Variants in HDAC9 observed in about 807,000 individuals in gnomAD.
The protein encoded by HDAC9 is MEF-2 interacting transcription repressor (MITR) protein.
In HDAC9, 41 loss-of-function variants were observed where a neutral mutation model predicts 139.4. That is an observed-to-expected ratio of 0.29 (90% CI 0.23 to 0.38). The LOEUF (loss-of-function observed/expected upper bound fraction) is 0.38. Ranked by LOEUF, HDAC9 falls within the 10% of genes least tolerant of loss-of-function variation. HDAC9 has a pLI of 1.00. For synonymous variants in HDAC9, 517 were observed against 476.2 expected, an observed-to-expected ratio of 1.09 and a Z score of -1.12; for missense variants, 1,147 against 1,297.0, an observed-to-expected ratio of 0.88 and a Z score of 1.78.
At chr7:18,605,637 A>G (rs562661692) in intron 6 of HDAC9, among the ~76,000 whole-genome samples, 3 of 152,092 alleles carry the variant, frequency 2.0e-5, no homozygotes, top group Non-Finnish European at 2.9e-5. Flanking sequence ...AGTAAAACCC[A>G]TGAAAATGTA....
intron 2 of HDAC9, among the ~76,000 whole-genome samples, chr7:18,528,160 TA>T (rs1586697720): frequency 6.6e-6 from 1 of 151,224 alleles, no homozygotes; most frequent in Admixed American, 6.6e-5. Flanking sequence ...AAAATAAAAG[TA>T]AAAAAGTAAG....
intron 1 of HDAC9, among the ~76,000 whole-genome samples, chr7:18,154,241 A>G (rs1317968168): frequency 1.3e-5 from 2 of 152,176 alleles, no homozygotes; most frequent in African/African-American, 2.4e-5. Flanking sequence ...TAAAGTAAAC[A>G]TGGTATATTC....
intron 12 of HDAC9, among the ~76,000 whole-genome samples, chr7:18,715,646 C>T (rs1452471714): frequency 6.6e-6 from 1 of 152,050 alleles, no homozygotes; most frequent in Non-Finnish European, 1.5e-5. Flanking sequence ...CTTGACCCAG[C>T]ATGTGATATG....
intron 6 of HDAC9, among the ~76,000 whole-genome samples, chr7:18,628,351 G>A (rs1418423809): frequency 6.6e-6 from 1 of 152,018 alleles, no homozygotes; most frequent in Admixed American, 6.6e-5. Flanking sequence ...ATTATAAATA[G>A]GCATAGGCTT....
intron 12 of HDAC9, among the ~76,000 whole-genome samples, chr7:18,711,794 T>G (rs777591377): frequency 2.0e-5 from 3 of 152,204 alleles, no homozygotes; most frequent in Non-Finnish European, 4.4e-5. Context: ...TATGACACAG[T>G]TCTTTCTACT....
chr7:18,155,293 A>G (rs568111490), intron 1 of HDAC9, among the ~76,000 whole-genome samples: 2 of 152,192 alleles, frequency 1.3e-5, no homozygotes, highest in South Asian at 2.1e-4. Flanking sequence ...ACTTTTTGAT[A>G]AAATGATCTT....
rs958475413 is a variant in HDAC9, at chr7:18,647,696, A to C, written c.1036-89A>C. 5 of 1,122,530 alleles carry C rather than the reference A, an allele frequency of 4.5e-6. No individual in the cohort carries two copies. The African/African-American group carries it at 7.9e-5, about 18-fold the overall frequency. The allele number at this position is 1,122,530 out of a possible 1,614,324, so 69.5% of individuals were successfully genotyped here. On this transcript the variant is annotated intron_variant, in intron 9 of 25. Transcript: ENST00000686413. Reference sequence around the variant, plus strand: ...GATGGGGCTTTTGTTTTGGGAAGCTACAGCATAGGAAACTTGTCTAATGAT... The same window carrying C: ...GATGGGGCTTTTGTTTTGGGAAGCTCCAGCATAGGAAACTTGTCTAATGAT...
At chr7:18,487,198 A>G (rs939166458) in intron 1 of HDAC9, among the ~76,000 whole-genome samples, 1 of 152,086 alleles carries the variant, frequency 6.6e-6, no homozygotes, top group Non-Finnish European at 1.5e-5. Context: ...AAAGAAAAAT[A>G]TCTACCAGGC....
intron 12 of HDAC9, among the ~76,000 whole-genome samples, chr7:18,676,573 T>A (rs1275544944): frequency 6.6e-6 from 1 of 152,056 alleles, no homozygotes; most frequent in Non-Finnish European, 1.5e-5. Flanking sequence ...AAATCCTTTT[T>A]TAAAAAACTT....
chr7:18,698,335 T>C (rs2129102541), intron 12 of HDAC9, among the ~76,000 whole-genome samples: 1 of 152,336 alleles, frequency 6.6e-6, no homozygotes, highest in South Asian at 2.1e-4. Context: ...CAGTTCTGTT[T>C]CCTCCTTTGG....
chr7:18,419,267 A>G (rs750314094), intron 1 of HDAC9, among the ~76,000 whole-genome samples: 2 of 152,218 alleles, frequency 1.3e-5, no homozygotes, highest in South Asian at 2.1e-4. Context: ...TATGATATTA[A>G]TAATAAATAT....
At chr7:18,314,541 A>T (rs654868) in intron 1 of HDAC9, among the ~76,000 whole-genome samples, 1 of 151,998 alleles carries the variant, frequency 6.6e-6, no homozygotes. Context: ...CTGTTGGTGC[A>T]TTGGCAAGAA....
chr7:18,190,974 T>C (rs1790313556), intron 2 of HDAC9, among the ~76,000 whole-genome samples: 1 of 152,210 alleles, frequency 6.6e-6, no homozygotes, highest in Non-Finnish European at 1.5e-5. Flanking sequence ...ACTTGAATAC[T>C]ATTAAGTGAT....
In HDAC9 at chr7:18,876,940, G is replaced by A. The variant is rs573546241; in HGVS notation, c.2803+2344G>A. ...TGGTCTCGAACTCCTGACCTCAGGT[G>A]ATGCACCTGCCTTGGCCTCCCAAAG... On this transcript the variant is annotated intron_variant, in intron 22 of 25. Coordinates refer to ENST00000686413, the MANE Select transcript of HDAC9 (RefSeq NM_178425.4). Among the ~76,000 whole-genome samples the A allele has an allele frequency of 2.6e-5, 4 of 152,136 alleles. No homozygotes were observed. The South Asian group carries it at 8.3e-4, about 32-fold the overall frequency.
At chr7:18,591,677 G>C (rs772953148) in intron 5 of HDAC9, 35 bp downstream of exon 5, 1 of 1,607,956 alleles carries the variant, frequency 6.2e-7, no homozygotes. Flanking sequence ...CATTCCTGGG[G>C]TAAAGAACAC....
intron 2 of HDAC9, among the ~76,000 whole-genome samples, chr7:18,181,193 G>T (rs1391770200): frequency 6.6e-6 from 1 of 152,068 alleles, no homozygotes; most frequent in African/African-American, 2.4e-5. Context: ...GCTACTAAAC[G>T]CCTGAAATAA....
chr7:18,654,727 A>T (rs903039669), intron 11 of HDAC9, among the ~76,000 whole-genome samples: 1 of 152,150 alleles, frequency 6.6e-6, no homozygotes, highest in Non-Finnish European at 1.5e-5. Flanking sequence ...ATTAAAAAAA[A>T]TAGGGTGATC....
chr7:18,138,774 T>C (rs1053557145), intron 1 of HDAC9, among the ~76,000 whole-genome samples: 1 of 151,948 alleles, frequency 6.6e-6, no homozygotes, highest in Non-Finnish European at 1.5e-5. Flanking sequence ...GTGTAAGAAA[T>C]TGAGAAAAAA....
intron 1 of HDAC9, among the ~76,000 whole-genome samples, chr7:18,458,316 A>G (rs1238901862): frequency 6.6e-6 from 1 of 152,202 alleles, no homozygotes; most frequent in East Asian, 1.9e-4. Flanking sequence ...TAGGCTTGGT[A>G]ACTTAGATGA....
Sources: gnomAD v4.1 joint callset for allele counts (sites outside exome capture counted in the v4.1 genomes callset) on GRCh38, gnomAD v4.1.1 for gene constraint, MANE v1.5 for transcripts, NCBI Gene and HGNC (gene_info 2026-07-23, HGNC 2026-07-21) for gene names.